Variants in ECHDC2 observed in about 807,000 individuals in gnomAD.
ECHDC2 encodes enoyl-CoA hydratase domain-containing protein 2, mitochondrial.
Under a neutral mutation model 40.6 loss-of-function variants are expected in ECHDC2, and 34 were observed. The observed-to-expected ratio is 0.84, with a 90% CI of 0.64 to 1.11. The LOEUF is 1.11. Ranked by LOEUF, ECHDC2 falls within the 50% of genes most tolerant of loss-of-function variation. ECHDC2 has a pLI of 0.00. For synonymous variants in ECHDC2, 162 were observed against 166.6 expected (o/e 0.97, Z 0.21); for missense variants, 392 against 400.7 (o/e 0.98, Z 0.19).
At chr1:52,899,124 A>C (rs1557475159) in intron 8 of ECHDC2, 50 bp downstream of exon 8, 4 of 1,595,564 alleles carry the variant, frequency 2.5e-6, no homozygotes. Flanking sequence ...ACTGTGTCCC[A>C]GCCGCGACCA....
chr1:52,897,923 A>AT, intron 8 of ECHDC2: 1 of 250,092 alleles, frequency 4.0e-6, no homozygotes, highest in South Asian at 6.0e-5. Context: ...AGGTGAAATA[A>AT]TTTGTCAAAG....
intron 1 of ECHDC2, among the ~76,000 whole-genome samples, chr1:52,916,594 C>T (rs182213952): frequency 2.6e-5 from 4 of 152,324 alleles, no homozygotes; most frequent in Admixed American, 1.3e-4. Flanking sequence ...GGGCAAGTCT[C>T]GGACCTAATA....
intron 7 of ECHDC2, among the ~76,000 whole-genome samples, chr1:52,903,821 C>CTT (rs565248267): frequency 5.3e-4 from 76 of 144,712 alleles, no homozygotes; most frequent in African/African-American, 1.6e-3. Context: ...TTCTTTCTTT[C>CTT]TTTTTTTTTT....
intron 3 of ECHDC2, among the ~76,000 whole-genome samples, chr1:52,909,486 C>T (rs1648842760): frequency 7.0e-6 from 1 of 143,688 alleles, no homozygotes; most frequent in Non-Finnish European, 1.5e-5. Context: ...TTGGGCTACA[C>T]ATAAAATACA....
chr1:52,914,148 G>A lies in ECHDC2; in HGVS notation c.122-2358C>T. On this transcript the variant is annotated intron_variant, in intron 1 of 9. Transcript: ENST00000371522. The surrounding 1 kb of genome is among the most constrained non-coding windows in gnomAD (Gnocchi z 4.0). ...TTACTATTTGTGAGGAGAACTTGGAGAAAAAGGACAAACAAGTAAGGGGCC... is the reference window on the plus strand; with the variant it reads ...TTACTATTTGTGAGGAGAACTTGGAAAAAAAGGACAAACAAGTAAGGGGCC... 2.1e-6 allele frequency: 1 copy of A among 475,074 alleles called. No homozygotes were observed. The highest frequency in any genetic ancestry group is 2.4e-5 in the Admixed American group (1 of 41,708). 29.4% of individuals were successfully genotyped at this position (475,074 alleles called of 1,614,324 possible).
intron 1 of ECHDC2, among the ~76,000 whole-genome samples, chr1:52,920,807 AGGAGACAGG>A (rs1651706373): frequency 6.6e-6 from 1 of 152,182 alleles, no homozygotes; most frequent in Non-Finnish European, 1.5e-5. Context: ...TATCAAATGC[AGGAGACAGG>A]GGATGAGATG....
intron 1 of ECHDC2, chr1:52,917,690 C>T (rs1363176318): frequency 4.4e-6 from 2 of 455,566 alleles, no homozygotes; most frequent in Non-Finnish European, 8.8e-6. Flanking sequence ...AGCTACAGAC[C>T]ACATATAAGA....
At position 52,914,435 on chromosome 1, in the gene ECHDC2, C is replaced by T. The variant is rs1650238663; in HGVS notation, c.122-2645G>A. On this transcript the variant is annotated intron_variant, in intron 1 of 9. Coordinates refer to ENST00000371522, the MANE Select transcript of ECHDC2 (RefSeq NM_001198961.2). The surrounding 1 kb of genome is among the most constrained non-coding windows in gnomAD (Gnocchi z 4.0). ...AGCCTGTTGCAGGCAGAGGGAGTGG[C>T]AGAGAAGAGGGCCCAGGTGTGGGAC... is the stretch of plus-strand genomic sequence containing the variant. Among the ~76,000 whole-genome samples the T allele has an allele frequency of 6.6e-6, 1 of 152,056 alleles. No homozygotes were observed. The highest frequency in any genetic ancestry group is 1.5e-5 in the Non-Finnish European group (1 of 68,026).
rs751392862 is a variant in ECHDC2, at chr1:52,904,762, G to T, written c.586C>A (p.Leu196Met). ...AKELIFTGRR[L>M]SGTEAHVLGL... ...AGTACGTGGGCCTCAGTTCCACTCA[G>T]TCGTCGGCCCGTGAAGATGAGCTCC... is the stretch of plus-strand genomic sequence containing the variant. The change falls in exon 7 of 10, where the codon CTG (leucine) becomes ATG (methionine). Residue 196 changes from leucine to methionine, a missense_variant. Leu to Met is a conservative substitution (Grantham distance 15). Coordinates refer to ENST00000371522, the MANE Select transcript of ECHDC2 (RefSeq NM_001198961.2). 7 of 1,613,076 alleles carry T rather than the reference G, an allele frequency of 4.3e-6. No homozygotes were observed. The South Asian group carries it at 4.4e-5, about 10-fold the overall frequency.
At chr1:52,906,689 G>A (rs1324032406) in intron 4 of ECHDC2, 78 bp from the exon 5 acceptor site, 1 of 1,249,400 alleles carries the variant, frequency 8.0e-7, no homozygotes, top group Non-Finnish European at 1.1e-6. Flanking sequence ...GGAGGGGCAA[G>A]CTGGTTGGGA....
At chr1:52,920,410 C>T (rs146767531) in intron 1 of ECHDC2, 36 of 844,362 alleles carry the variant, frequency 4.3e-5, no homozygotes, top group East Asian at 3.2e-4. Flanking sequence ...GCGCCATGTC[C>T]GGCCACGAAG....
intron 1 of ECHDC2, among the ~76,000 whole-genome samples, chr1:52,919,556 T>G (rs984630255): frequency 1.3e-5 from 2 of 152,166 alleles, no homozygotes; most frequent in Non-Finnish European, 2.9e-5. Flanking sequence ...TTTCTCAGAA[T>G]GTAGCCCCGT....
intron 7 of ECHDC2, chr1:52,899,507 C>T: frequency 2.2e-6 from 1 of 456,458 alleles, no homozygotes; most frequent in East Asian, 4.4e-5. Context: ...GCTTTCCTCC[C>T]CCACAGACTC....
rs1014387190 is a variant in ECHDC2, at chr1:52,897,477, A to G, written c.761T>C (p.Ile254Thr). Residue 254 changes from isoleucine (I) to threonine (T), a missense_variant, in exon 9 of 10, where the codon ATT becomes ACT. Transcript: ENST00000371522. The part of the protein sequence containing the change: ...VAIDRGTEVD[I>T]ASGMAIEGMC... ...CCCTTCAATGGCCATCCCAGATGCA[A>G]TGTCCACCTGCAAGAAAGACGTGCT... The G allele has an allele frequency of 9.3e-6, 15 of 1,614,074 alleles. No homozygotes were observed. Among genetic ancestry groups the G allele is most frequent in the African/African-American group, 5.3e-5 (4 of 74,932 alleles).
chr1:52,899,885 A>T (rs1352972090), intron 7 of ECHDC2: 1 of 152,172 alleles, frequency 6.6e-6, no homozygotes, highest in African/African-American at 2.4e-5. Flanking sequence ...CCTTGGTTCC[A>T]CACCAGCCCT....
At chr1:52,899,483 C>A (rs888192754) in intron 7 of ECHDC2, 33 of 526,212 alleles carry the variant, frequency 6.3e-5, no homozygotes, top group Non-Finnish European at 9.2e-5. Context: ...CACAACATAA[C>A]TAGTTTACAA....
At position 52,905,150 on chromosome 1, in the gene ECHDC2, C is replaced by CG. The variant is rs1557490854; in HGVS notation, c.458-61dup. ...CCATCCGGTCCCCCAGTGCTAATCC[C>CG]GGGGGCCACAGCTGCCTCTGCTGTC... On this transcript the variant is annotated intron_variant, in intron 5 of 9. Transcript: ENST00000371522. 10 of 1,575,382 alleles carry CG rather than the reference C, an allele frequency of 6.3e-6. No individual in the cohort carries two copies. In the Admixed American group the frequency reaches 8.6e-5, roughly 14 times the overall value.
rs187637978 is a variant in ECHDC2, at chr1:52,914,878, C to T, written c.122-3088G>A. 9.2e-5 allele frequency among the ~76,000 whole-genome samples: 14 copies of T among 152,284 alleles called. No individual in the cohort carries two copies. The highest frequency in any genetic ancestry group is 1.5e-4 in the Non-Finnish European group (10 of 68,020). On this transcript the variant is annotated intron_variant, in intron 1 of 9. Coordinates refer to ENST00000371522, the MANE Select transcript of ECHDC2 (RefSeq NM_001198961.2). This position sits in a 1 kb window ranked among gnomAD's most constrained non-coding sequence, Gnocchi z 4.0. ...TCCCTCGGATCACCCACCTGGCCCT[C>T]GAGTCCTCAGTCTTGCTCCCTCCCA...
intron 5 of ECHDC2, chr1:52,905,328 A>G (rs1647502689): frequency 3.6e-6 from 2 of 560,096 alleles, no homozygotes; most frequent in Non-Finnish European, 6.4e-6. Flanking sequence ...AGCAAGTCTC[A>G]CCCTTCCCAA....
Sources: allele counts gnomAD v4.1 joint callset (sites outside exome capture counted in the v4.1 genomes callset), GRCh38; gene constraint gnomAD v4.1.1; non-coding constraint Gnocchi (gnomAD v3.1); transcripts MANE v1.5; gene names NCBI Gene and HGNC (gene_info 2026-07-23, HGNC 2026-07-21).